CRYBB2: variants seen among roughly 807,000 people sequenced by gnomAD.
CRYBB2 encodes the protein crystallin beta B2.
Under a neutral mutation model 24.3 loss-of-function variants are expected in CRYBB2, and 12 were observed. That is an observed-to-expected ratio of 0.49 (90% CI 0.32 to 0.80). The LOEUF is 0.80. Ranked by LOEUF, CRYBB2 falls within the 30% of genes least tolerant of loss-of-function variation. The pLI, the probability that CRYBB2 is intolerant of heterozygous loss-of-function variation, is 0.04. For synonymous variants in CRYBB2, 98 were observed against 101.6 expected (o/e 0.96, Z 0.21); for missense variants, 198 against 268.5 (o/e 0.74, Z 1.83).
At chr22:25,231,462 C>A in intron 5 of CRYBB2, 142 bp from the exon 6 acceptor site, 2 of 810,924 alleles carry the variant, frequency 2.5e-6, no homozygotes, top group South Asian at 1.4e-5. Context: ...GTCCTGCTTA[C>A]CCTTGGGAAG....
intron 1 of CRYBB2, chr22:25,212,955 T>C (rs1466183011): frequency 6.6e-6 from 1 of 152,250 alleles, no homozygotes; most frequent in Non-Finnish European, 1.5e-5. Context: ...TAGCTTCCTG[T>C]CTAAGTGTAT....
chr22:25,228,726 G>A (rs549466163), intron 4 of CRYBB2, among the ~76,000 whole-genome samples: 18 of 152,352 alleles, frequency 1.2e-4, no homozygotes, highest in South Asian at 6.2e-4. Flanking sequence ...TCTGTGCCGC[G>A]CTTTCCTCAT....
At chr22:25,226,661 TTTTG>T (rs375458004) in intron 3 of CRYBB2, among the ~76,000 whole-genome samples, 7 of 152,110 alleles carry the variant, frequency 4.6e-5, no homozygotes, top group Non-Finnish European at 5.9e-5. Flanking sequence ...TGACAACTGT[TTTTG>T]TTTGTTTGTT....
chr22:25,223,607 G>C lies in CRYBB2; in HGVS notation c.55-1311G>C, dbSNP rs113910278. 4.2e-3 allele frequency among the ~76,000 whole-genome samples: 642 copies of C among 152,274 alleles called. 1 individual carries two copies. The highest frequency in any genetic ancestry group is 6.6e-3 in the Non-Finnish European group (450 of 68,036). ...AAAGGGCTGGGTCACTGACTGTAAA[G>C]GCTGGATTGAGCCCGTGGAATTTGC... On this transcript the variant is annotated intron_variant, in intron 2 of 5. Coordinates refer to ENST00000398215, the MANE Select transcript of CRYBB2 (RefSeq NM_000496.3).
At chr22:25,223,339 A>G (rs1294826073) in intron 2 of CRYBB2, among the ~76,000 whole-genome samples, 4 of 152,146 alleles carry the variant, frequency 2.6e-5, no homozygotes, top group Non-Finnish European at 5.9e-5. Context: ...AATTAACATA[A>G]TTATGTCTCC....
At chr22:25,218,237 C>G (rs750678916), upstream of CRYBB2, among the ~76,000 whole-genome samples, 1 of 142,096 alleles carries the variant, frequency 7.0e-6, no homozygotes, top group Non-Finnish European at 1.5e-5. Flanking sequence ...CCAGCCTGGG[C>G]GACAGAGCGA....
At position 25,231,625 on chromosome 22, in the gene CRYBB2, C is replaced by A. The variant is rs745938679; in HGVS notation, c.471C>A (p.Pro157=). The A allele has an allele frequency of 1.2e-6, 2 of 1,614,174 alleles. No homozygotes were observed. Among genetic ancestry groups the A allele is most frequent in the South Asian group, 2.2e-5 (2 of 91,084 alleles). Residue 157 remains proline, a synonymous_variant, in exon 6 of 6, where the codon CCC becomes CCA. Coordinates refer to ENST00000398215, the MANE Select transcript of CRYBB2 (RefSeq NM_000496.3). ...GCAGGTGGGTTGGCTACCAGTACCC[C>A]GGCTACCGTGGGCTGCAGTACCTGC... ...QSGTWVGYQY[P]GYRGLQYLLE...
At chr22:25,218,965 G>C (rs1430404742), upstream of CRYBB2, among the ~76,000 whole-genome samples, 1 of 152,068 alleles carries the variant, frequency 6.6e-6, no homozygotes, top group Middle Eastern at 3.2e-3. Flanking sequence ...CCTGGCACAG[G>C]CCCTATTTGT....
chr22:25,216,109 TTTC>T (rs1935166289), upstream of CRYBB2, among the ~76,000 whole-genome samples: 1 of 152,174 alleles, frequency 6.6e-6, no homozygotes, highest in Admixed American at 6.6e-5. Flanking sequence ...TTAGGAATTC[TTTC>T]TTATTTATAA....
upstream of CRYBB2, among the ~76,000 whole-genome samples, chr22:25,211,973 C>T (rs1389263852): frequency 6.6e-6 from 1 of 152,246 alleles, no homozygotes; most frequent in Non-Finnish European, 1.5e-5. Flanking sequence ...CACTTAACCT[C>T]TCTGTGCTTC....
upstream of CRYBB2, among the ~76,000 whole-genome samples, chr22:25,217,163 G>C (rs1182015654): frequency 7.1e-6 from 1 of 140,370 alleles, no homozygotes; most frequent in Non-Finnish European, 1.5e-5. Context: ...GGCTCATATG[G>C]TAATTCTATG....
upstream of CRYBB2, among the ~76,000 whole-genome samples, chr22:25,218,830 G>GAAAGAAAGAA (rs1569016507): frequency 9.1e-6 from 1 of 109,482 alleles, no homozygotes; most frequent in Non-Finnish European, 1.8e-5. Context: ...AAGAAAGAAA[G>GAAAGAAAGAA]AAAGAAAGAG....
intron 3 of CRYBB2, among the ~76,000 whole-genome samples, chr22:25,225,757 C>T (rs560894908): frequency 1.1e-4 from 17 of 152,174 alleles, no homozygotes; most frequent in Non-Finnish European, 2.5e-4. Flanking sequence ...CTATACCACA[C>T]CTCAAGGTTC....
At chr22:25,230,755 G>A (rs1468106070) in intron 5 of CRYBB2, among the ~76,000 whole-genome samples, 1 of 149,742 alleles carries the variant, frequency 6.7e-6, no homozygotes, top group African/African-American at 2.5e-5. Context: ...TGCCCAGGGT[G>A]AAGGAGATTA....
chr22:25,221,367 C>T, intron 1 of CRYBB2, 37 bp from the exon 2 acceptor site: 1 of 1,345,556 alleles, frequency 7.4e-7, no homozygotes, highest in Non-Finnish European at 1.1e-6. Context: ...GCCAGTGGCC[C>T]CTCCAGGTCC....
In CRYBB2 at chr22:25,224,914, G is replaced by A. The variant is rs1384998805; in HGVS notation, c.55-4G>A. 2 of 1,503,670 alleles carry A rather than the reference G, an allele frequency of 1.3e-6. No homozygotes were observed. The highest frequency in any genetic ancestry group is 1.1e-5 in the South Asian group (1 of 88,880). The allele number at this position is 1,503,670 out of a possible 1,614,324, so 93.1% of individuals were successfully genotyped here. ...GAGGGTCTGAGTCTCGCTTCCTCTT[G>A]CAGATCATCATCTTTGAGCAGGAAA... On this transcript the variant is annotated splice_polypyrimidine_tract_variant and splice_region_variant and intron_variant, in intron 2 of 5. Transcript: ENST00000398215.
chr22:25,211,772 C>T (rs1935109289), upstream of CRYBB2, among the ~76,000 whole-genome samples: 1 of 152,160 alleles, frequency 6.6e-6, no homozygotes, highest in Admixed American at 6.5e-5. Context: ...AAGAATATCC[C>T]TCAGTTATAA....
In CRYBB2 at chr22:25,231,640, G is replaced by A; in HGVS notation, c.486G>A (p.Leu162=). The A allele has an allele frequency of 6.2e-7, 1 of 1,614,188 alleles. No individual in the cohort carries two copies. The highest frequency in any genetic ancestry group is 1.6e-4 in the Middle Eastern group (1 of 6,062). ...ACCAGTACCCCGGCTACCGTGGGCTGCAGTACCTGCTGGAGAAGGGAGACT... is the reference window on the plus strand; with the variant it reads ...ACCAGTACCCCGGCTACCGTGGGCTACAGTACCTGCTGGAGAAGGGAGACT... ...VGYQYPGYRG[L]QYLLEKGDYK... The change falls in exon 6 of 6, where the codon CTG becomes CTA. Residue 162 remains leucine (L), a synonymous_variant. Transcript: ENST00000398215.
intron 1 of CRYBB2, among the ~76,000 whole-genome samples, chr22:25,214,508 G>A (rs916281795): frequency 4.6e-5 from 7 of 152,130 alleles, no homozygotes; most frequent in Non-Finnish European, 8.8e-5. Flanking sequence ...GGTTGCTGAC[G>A]GTCTCTGTCT....
Sources: gnomAD v4.1 joint callset for allele counts (sites outside exome capture counted in the v4.1 genomes callset) on GRCh38, gnomAD v4.1.1 for gene constraint, MANE v1.5 for transcripts, NCBI Gene and HGNC (gene_info 2026-07-23, HGNC 2026-07-21) for gene names.